The following GNAT3 variants were observed in gnomAD, a reference collection of about 807,000 sequenced individuals.
GNAT3 encodes guanine nucleotide-binding protein G(t) subunit alpha-3.
Under a neutral mutation model 37.7 loss-of-function variants are expected in GNAT3, and 31 were observed. The observed-to-expected ratio is 0.82, with a 90% CI of 0.62 to 1.11. The LOEUF is 1.11. Among genes scored for constraint, GNAT3 ranks in the 50% most tolerant of loss-of-function variants. GNAT3 has a pLI of 0.00. For missense variants in GNAT3, 437 were observed against 412.5 expected (o/e 1.06, Z -0.51); for synonymous variants, 138 against 139.8 (o/e 0.99, Z 0.09).
At chr7:80,476,374 C>G (rs1429594715) in intron 4 of GNAT3, among the ~76,000 whole-genome samples, 2 of 148,852 alleles carry the variant, frequency 1.3e-5, no homozygotes, top group Non-Finnish European at 1.5e-5. Flanking sequence ...ATTATTTAAA[C>G]TAGTATTTTT....
At chr7:80,477,462 G>A (rs1315625229) in intron 4 of GNAT3, among the ~76,000 whole-genome samples, 1 of 152,148 alleles carries the variant, frequency 6.6e-6, no homozygotes, top group Non-Finnish European at 1.5e-5. Context: ...ATCACAAAAT[G>A]AGACTCATTC....
chr7:80,482,500 T>C (rs984108344), intron 3 of GNAT3, among the ~76,000 whole-genome samples: 4 of 151,898 alleles, frequency 2.6e-5, no homozygotes, highest in Non-Finnish European at 4.4e-5. Context: ...TTTTCTTTTT[T>C]GTTTTTTTGT....
chr7:80,501,349 CAT>C (rs1790831187), intron 1 of GNAT3, among the ~76,000 whole-genome samples: 1 of 151,896 alleles, frequency 6.6e-6, no homozygotes, highest in African/African-American at 2.4e-5. Flanking sequence ...CATATATGAA[CAT>C]AGTTTTATGT....
chr7:80,509,268 A>G (rs1465500352), intron 1 of GNAT3, among the ~76,000 whole-genome samples: 1 of 152,116 alleles, frequency 6.6e-6, no homozygotes, highest in Non-Finnish European at 1.5e-5. Flanking sequence ...TATGAATTTG[A>G]TAATTGTATC....
intron 2 of GNAT3, among the ~76,000 whole-genome samples, chr7:80,489,611 A>G (rs1790553788): frequency 6.6e-6 from 1 of 152,148 alleles, no homozygotes; most frequent in South Asian, 2.1e-4. Flanking sequence ...TGAAAGGAGT[A>G]AAGGCACAGC....
At chr7:80,477,961 A>G (rs913013421) in intron 4 of GNAT3, among the ~76,000 whole-genome samples, 1 of 152,310 alleles carries the variant, frequency 6.6e-6, no homozygotes, top group Admixed American at 6.5e-5. Context: ...CCCCAACTGG[A>G]GTACAGTGGT....
At chr7:80,480,337 A>G (rs1790372874) in intron 3 of GNAT3, among the ~76,000 whole-genome samples, 1 of 152,136 alleles carries the variant, frequency 6.6e-6, no homozygotes, top group African/African-American at 2.4e-5. Flanking sequence ...GGAATCTAAA[A>G]CTCAGAGTTT....
chr7:80,488,259 C>T (rs1790526466), intron 3 of GNAT3, among the ~76,000 whole-genome samples: 1 of 152,030 alleles, frequency 6.6e-6, no homozygotes, highest in Admixed American at 6.6e-5. Flanking sequence ...TTAGCAATCA[C>T]AAGCAATATT....
intron 5 of GNAT3, among the ~76,000 whole-genome samples, chr7:80,469,343 G>A (rs1790172642): frequency 6.6e-6 from 1 of 152,086 alleles, no homozygotes; most frequent in African/African-American, 2.4e-5. Flanking sequence ...TAGGGAGAAA[G>A]TTTCTTCTCT....
At chr7:80,497,543 C>CACATATATGTATAT in intron 1 of GNAT3, among the ~76,000 whole-genome samples, 1 of 106,638 alleles carries the variant, frequency 9.4e-6, no homozygotes, top group Admixed American at 1.0e-4. Flanking sequence ...TATATATATA[C>CACATATATGTATAT]ACATATACGT....
chr7:80,458,718 TA>T lies in GNAT3; in HGVS notation c.1017del (p.Thr340GlnfsTer3). 1 of 1,596,254 alleles carries T rather than the reference TA, an allele frequency of 6.3e-7. No homozygotes were observed. The highest frequency in any genetic ancestry group is 1.1e-5 in the South Asian group (1 of 87,598). On this transcript the variant is annotated frameshift_variant, in exon 8 of 8. Transcript: ENST00000398291. LOFTEE classifies it high-confidence loss of function. ...TQNVKFVFDA[V>X]TDIIIKENLK... ...AGATTCTCTTTGATTATTATATCTG[TA>T]ACTGCGTCAAACACAAACTTGACAT...
intron 7 of GNAT3, 145 bp downstream of exon 7, chr7:80,462,014 A>ATT (rs975444360): frequency 4.9e-6 from 3 of 608,652 alleles, no homozygotes; most frequent in Non-Finnish European, 8.4e-6. Flanking sequence ...TATTTGTAAG[A>ATT]TTTTTTTTCC....
In GNAT3 at chr7:80,474,324, C is replaced by G; in HGVS notation, c.517G>C (p.Asp173His). 1 of 1,572,370 alleles carries G rather than the reference C, an allele frequency of 6.4e-7. No individual in the cohort carries two copies. Among genetic ancestry groups the G allele is most frequent in the South Asian group, 1.2e-5 (1 of 86,092 alleles). ...TASGYVPNEQ[D>H]VLHSRVKTTG... is the part of the protein sequence containing the mutation. ...GTTTTCACTCGAGAATGGAGAACATCTTGTTCATTTGGCACATACCCAGAT... is the reference window on the plus strand; with the variant it reads ...GTTTTCACTCGAGAATGGAGAACATGTTGTTCATTTGGCACATACCCAGAT... Residue 173 changes from aspartate (D) to histidine (H), a missense_variant, in exon 5 of 8, where the codon GAT (aspartate) becomes CAT (histidine). Physicochemically the swap from Asp to His is moderately conservative, Grantham distance 81 (BLOSUM62 -1). Coordinates refer to ENST00000398291, the MANE Select transcript of GNAT3 (RefSeq NM_001102386.3).
chr7:80,458,645 G>GC lies in GNAT3; in HGVS notation c.*25dup. On this transcript the variant is annotated 3_prime_UTR_variant, in exon 8 of 8. Coordinates refer to ENST00000398291, the MANE Select transcript of GNAT3 (RefSeq NM_001102386.3). ...TTTATATTTTGAAAAGCATACATGA[G>GC]CAAGAGTGGAAGAGAAAATAGTTGA... is the stretch of plus-strand genomic sequence containing the variant. 2.2e-6 allele frequency: 3 copies of GC among 1,346,398 alleles called. No homozygotes were observed. The highest frequency in any genetic ancestry group is 3.0e-6 in the Non-Finnish European group (3 of 987,294). The allele number at this position is 1,346,398 out of a possible 1,614,324, so 83.4% of individuals were successfully genotyped here. A position where few individuals can be genotyped will look rare whatever the true frequency, so the allele number is the denominator to read the frequency against.
intron 3 of GNAT3, among the ~76,000 whole-genome samples, chr7:80,481,311 TC>T (rs1486134812): frequency 6.6e-6 from 1 of 151,990 alleles, no homozygotes; most frequent in Non-Finnish European, 1.5e-5. Flanking sequence ...CCAACAGAAA[TC>T]CCTCTTGGCC....
At chr7:80,490,847 C>T (rs1312231072) in intron 2 of GNAT3, among the ~76,000 whole-genome samples, 2 of 152,092 alleles carry the variant, frequency 1.3e-5, no homozygotes, top group Non-Finnish European at 2.9e-5. Flanking sequence ...ATGATCTTAG[C>T]CATGATGCTC....
intron 6 of GNAT3, 80 bp downstream of exon 6, chr7:80,462,422 T>C: frequency 6.4e-7 from 1 of 1,562,610 alleles, no homozygotes; most frequent in Non-Finnish European, 8.8e-7. Flanking sequence ...CAAACCTTCA[T>C]GAGTTGGGCA....
chr7:80,484,517 C>A (rs978694172), intron 3 of GNAT3, among the ~76,000 whole-genome samples: 8 of 152,028 alleles, frequency 5.3e-5, no homozygotes, highest in African/African-American at 1.2e-4. Flanking sequence ...AAGATGATTA[C>A]AACAGTGCTC....
rs181816893 is a variant in GNAT3, at chr7:80,502,447, C to G, written c.119-7800G>C. ...TGATTTTTCCCACACAGGTCTGTTG[C>G]AGATATTTGTCTAAGTGTTCATTAA... On this transcript the variant is annotated intron_variant, in intron 1 of 7. Transcript: ENST00000398291. Among the ~76,000 whole-genome samples, 81 of 152,066 alleles carry G rather than the reference C, an allele frequency of 5.3e-4. 1 individual carries two copies. In the East Asian group the frequency reaches 0.014, roughly 27 times the overall value.
Sources: gnomAD v4.1 joint callset for allele counts (sites outside exome capture counted in the v4.1 genomes callset) on GRCh38, gnomAD v4.1.1 for gene constraint, MANE v1.5 for transcripts, NCBI Gene and HGNC (gene_info 2026-07-23, HGNC 2026-07-21) for gene names.